The following MBD5 variants were observed in gnomAD, a reference collection of about 807,000 sequenced individuals.
MBD5 encodes methyl-CpG-binding domain protein 5.
In MBD5, 13 loss-of-function variants were observed where a neutral mutation model predicts 117.3. That is an observed-to-expected ratio of 0.11 (90% CI 0.07 to 0.18). The LOEUF is 0.18. Among genes scored for constraint, MBD5 ranks in the 10% least tolerant of loss-of-function variants. The pLI is 1.00. For missense variants in MBD5, 1,879 were observed against 2,093.8 expected (o/e 0.90, Z 2.00); for synonymous variants, 727 against 766.4 (o/e 0.95, Z 0.85).
intron 3 of MBD5, among the ~76,000 whole-genome samples, chr2:148,263,295 A>G (rs1195970194): frequency 1.3e-5 from 2 of 152,184 alleles, no homozygotes; most frequent in Non-Finnish European, 2.9e-5. Flanking sequence ...TACACAGTGG[A>G]GTTTTTAGAT....
At chr2:148,120,604 A>G (rs544386962) in intron 1 of MBD5, among the ~76,000 whole-genome samples, 9 of 152,224 alleles carry the variant, frequency 5.9e-5, no homozygotes, top group Non-Finnish European at 1.0e-4. Flanking sequence ...GTGTGTTGAC[A>G]TATTGTTAAC....
intron 1 of MBD5, among the ~76,000 whole-genome samples, chr2:148,164,946 A>C (rs1255555813): frequency 1.3e-5 from 2 of 152,178 alleles, no homozygotes; most frequent in African/African-American, 4.8e-5. Flanking sequence ...CTTACATGTT[A>C]ATGTATTCTG....
At chr2:148,397,376 C>A (rs1272037472) in intron 4 of MBD5, among the ~76,000 whole-genome samples, 1 of 134,400 alleles carries the variant, frequency 7.4e-6, no homozygotes, top group Admixed American at 8.4e-5. Flanking sequence ...CTCGCCCAGG[C>A]TAGAGAGCAG....
At chr2:148,061,500 C>T (rs951545403) in intron 1 of MBD5, among the ~76,000 whole-genome samples, 43 of 151,914 alleles carry the variant, frequency 2.8e-4, no homozygotes, top group African/African-American at 9.7e-4. Context: ...TCTACCATAT[C>T]ATAAATATGT....
chr2:148,183,747 A>G (rs1698583989), intron 2 of MBD5, among the ~76,000 whole-genome samples: 1 of 152,096 alleles, frequency 6.6e-6, no homozygotes, highest in Non-Finnish European at 1.5e-5. Context: ...TCTTTTAATT[A>G]TCTTCCATAT....
chr2:148,241,587 C>T (rs1700217767), intron 3 of MBD5, among the ~76,000 whole-genome samples: 1 of 152,028 alleles, frequency 6.6e-6, no homozygotes, highest in African/African-American at 2.4e-5. Flanking sequence ...TTTGTATTTT[C>T]TTCCTTTCTG....
chr2:148,156,572 T>C (rs1360348216), intron 1 of MBD5, among the ~76,000 whole-genome samples: 1 of 152,258 alleles, frequency 6.6e-6, no homozygotes, highest in Non-Finnish European at 1.5e-5. Context: ...CTTGCAGTTA[T>C]CATAATCTAC....
intron 3 of MBD5, among the ~76,000 whole-genome samples, chr2:148,340,050 C>A (rs962066538): frequency 6.6e-6 from 1 of 152,070 alleles, no homozygotes; most frequent in Non-Finnish European, 1.5e-5. Context: ...CCTTCAGAAT[C>A]CTTTATTTCC....
intron 1 of MBD5, among the ~76,000 whole-genome samples, chr2:148,060,368 G>A (rs553234964): frequency 6.6e-6 from 1 of 150,994 alleles, no homozygotes; most frequent in African/African-American, 2.4e-5. Flanking sequence ...TCTTTTAATT[G>A]TATGTTTTGT....
chr2:148,223,864 G>A lies in MBD5; in HGVS notation c.-830-9381G>A, dbSNP rs191099252. Among the ~76,000 whole-genome samples the A allele has an allele frequency of 2.0e-3, 301 of 152,050 alleles. 1 individual carries two copies. The highest frequency in any genetic ancestry group is 6.7e-3 in the African/African-American group (280 of 41,508). On this transcript the variant is annotated intron_variant, in intron 2 of 13. Transcript: ENST00000642680. ...TTTTTTCATGTAGGCACTTATGGCC[G>A]TAAACTTCCTTCTTAGTACTACGTT...
At chr2:148,172,906 G>T (rs892059255) in intron 1 of MBD5, among the ~76,000 whole-genome samples, 2 of 152,022 alleles carry the variant, frequency 1.3e-5, no homozygotes, top group Admixed American at 1.3e-4. Context: ...GGGTCTCCTC[G>T]CCACTGAGAG....
intron 11 of MBD5, among the ~76,000 whole-genome samples, chr2:148,493,342 C>T (rs1050566931): frequency 6.6e-5 from 10 of 152,280 alleles, no homozygotes; most frequent in African/African-American, 9.6e-5. Flanking sequence ...TAAAAATCTA[C>T]GTTAACACAA....
intron 4 of MBD5, among the ~76,000 whole-genome samples, chr2:148,381,649 A>G (rs1704147040): frequency 1.3e-5 from 2 of 152,296 alleles, no homozygotes; most frequent in Non-Finnish European, 2.9e-5. Context: ...TCCAAGACAC[A>G]TAATTATCAG....
intron 4 of MBD5, among the ~76,000 whole-genome samples, chr2:148,355,379 G>T (rs12474162): frequency 0.012 from 1,740 of 149,578 alleles, 17 homozygotes; most frequent in East Asian, 0.034. Context: ...GAATGGTATT[G>T]CCCGGGTTTT....
chr2:148,489,757 G>C lies in MBD5; in HGVS notation c.4125G>C (p.Ala1375=). 1 of 1,614,088 alleles carries C rather than the reference G, an allele frequency of 6.2e-7. No individual in the cohort carries two copies. Among genetic ancestry groups the C allele is most frequent in the Non-Finnish European group, 8.5e-7 (1 of 1,180,022 alleles). Residue 1375 remains alanine (A), a synonymous_variant, in exon 11 of 14, where the codon GCG becomes GCC. Coordinates refer to ENST00000642680, the MANE Select transcript of MBD5 (RefSeq NM_001378120.1). ...TAAATCTCTCCAGTGCTGTCAGTGCGGTCATTCATGGACGGAACATGGGAG... is the reference window on the plus strand; with the variant it reads ...TAAATCTCTCCAGTGCTGTCAGTGCCGTCATTCATGGACGGAACATGGGAG... The part of the protein sequence containing the change: ...DPLNLSSAVS[A]VIHGRNMGGV...
chr2:148,296,864 A>ATTTTTTTTT (rs757371602), intron 3 of MBD5, among the ~76,000 whole-genome samples: 14,427 of 60,572 alleles, frequency 0.24, 3,807 homozygotes, highest in South Asian at 0.34. Context: ...TAGTTCTTCA[A>ATTTTTTTTT]TTTTTTTTTT....
intron 4 of MBD5, among the ~76,000 whole-genome samples, chr2:148,355,114 G>A (rs1315817869): frequency 1.4e-5 from 2 of 143,846 alleles, no homozygotes; most frequent in African/African-American, 4.9e-5. Context: ...CTTTTTGATG[G>A]GGTTGTTTGT....
intron 4 of MBD5, among the ~76,000 whole-genome samples, chr2:148,457,512 C>G (rs1706922135): frequency 6.6e-6 from 1 of 151,964 alleles, no homozygotes; most frequent in Non-Finnish European, 1.5e-5. Flanking sequence ...ATAAGCATTC[C>G]ACACTATCAT....
intron 1 of MBD5, among the ~76,000 whole-genome samples, chr2:148,140,981 A>G (rs10209751): frequency 0.37 from 56,638 of 151,742 alleles, 11,335 homozygotes; most frequent in South Asian, 0.5. Flanking sequence ...CATGTTGCCC[A>G]GGCTGTTCTC....
Sources: gnomAD v4.1 joint callset for allele counts (sites outside exome capture counted in the v4.1 genomes callset) on GRCh38, gnomAD v4.1.1 for gene constraint, MANE v1.5 for transcripts, NCBI Gene and HGNC (gene_info 2026-07-23, HGNC 2026-07-21) for gene names.